Variants in CAMTA1 observed in about 807,000 individuals in gnomAD.
The protein encoded by CAMTA1 is calmodulin binding transcription activator 1.
CAMTA1 carries 27 observed loss-of-function variants against 170.9 expected under a neutral mutation model. The observed-to-expected ratio is 0.16, with a 90% confidence interval of 0.12 to 0.22. CAMTA1 has a LOEUF of 0.22. Among genes scored for constraint, CAMTA1 ranks in the 10% least tolerant of loss-of-function variants. The pLI is 1.00. For missense variants in CAMTA1, 1,619 were observed against 2,217.2 expected, an observed-to-expected ratio of 0.73 and a Z score of 5.42; for synonymous variants, 833 against 891.5, an observed-to-expected ratio of 0.93 and a Z score of 1.17.
At chr1:7,310,211 A>C (rs538465561) in intron 5 of CAMTA1, among the ~76,000 whole-genome samples, 2 of 152,334 alleles carry the variant, frequency 1.3e-5, no homozygotes, top group African/African-American at 2.4e-5. Context: ...TCCTGAGTTG[A>C]CTGACAGTTC....
At chr1:7,729,031 G>A (rs890373648) in intron 11 of CAMTA1, among the ~76,000 whole-genome samples, 3 of 152,058 alleles carry the variant, frequency 2.0e-5, no homozygotes, top group Admixed American at 6.5e-5. Flanking sequence ...GAAGGAAGAC[G>A]TTATTTTTCG....
rs1057336176 is a variant in CAMTA1, at chr1:6,887,217, A to G, written c.234+62007A>G. ...AACCCAAAACTTAAGTAGTTTGCTGAATATGCATAGTAAGTAAAAAAATTC... is the reference window on the plus strand; with the variant it reads ...AACCCAAAACTTAAGTAGTTTGCTGGATATGCATAGTAAGTAAAAAAATTC... On this transcript the variant is annotated intron_variant, in intron 3 of 22. Coordinates refer to ENST00000303635, the MANE Select transcript of CAMTA1 (RefSeq NM_015215.4). This position sits in a 1 kb window ranked among gnomAD's most constrained non-coding sequence, Gnocchi z 4.1. 3.3e-5 allele frequency among the ~76,000 whole-genome samples: 5 copies of G among 152,246 alleles called. No individual in the cohort carries two copies. Among genetic ancestry groups the G allele is most frequent in the Admixed American group, 3.3e-4 (5 of 15,292 alleles).
chr1:7,007,651 C>T lies in CAMTA1; in HGVS notation c.235-83653C>T, dbSNP rs56184602. Among the ~76,000 whole-genome samples the T allele has an allele frequency of 0.13, 20,398 of 152,144 alleles. 1,481 individuals carry two copies. The highest frequency in any genetic ancestry group is 0.17 in the Non-Finnish European group (11,872 of 67,968). ...TTGACCCAGACTGCCGAGGGGTGGC[C>T]GGGCCCTGTCAGTGCTGCGGAGGTG... On this transcript the variant is annotated intron_variant, in intron 3 of 22. Transcript: ENST00000303635. The surrounding 1 kb of genome is among the most constrained non-coding windows in gnomAD (Gnocchi z 4.5).
At chr1:6,786,106 G>A (rs1639222146) in intron 1 of CAMTA1, among the ~76,000 whole-genome samples, 2 of 151,888 alleles carry the variant, frequency 1.3e-5, no homozygotes, top group Non-Finnish European at 2.9e-5. Flanking sequence ...CCGGCGGGCA[G>A]GGCCAGATGT....
intron 3 of CAMTA1, among the ~76,000 whole-genome samples, chr1:7,043,231 C>G (rs1014183908): frequency 6.6e-6 from 1 of 152,230 alleles, no homozygotes; most frequent in Non-Finnish European, 1.5e-5. Flanking sequence ...GGGCCCTCCT[C>G]TTTCCCCCAC....
At chr1:7,313,993 G>A (rs1574617261) in intron 5 of CAMTA1, among the ~76,000 whole-genome samples, 1 of 152,210 alleles carries the variant, frequency 6.6e-6, no homozygotes, top group African/African-American at 2.4e-5. Flanking sequence ...CAGGAATCTA[G>A]ATTCCCACCC....
chr1:7,017,362 A>C (rs1348522919), intron 3 of CAMTA1, among the ~76,000 whole-genome samples: 2 of 152,248 alleles, frequency 1.3e-5, no homozygotes, highest in African/African-American at 4.8e-5. Context: ...CAAGCTCTGA[A>C]ACAATATGAT....
At chr1:7,687,627 G>A (rs578154042) in intron 11 of CAMTA1, among the ~76,000 whole-genome samples, 39 of 152,272 alleles carry the variant, frequency 2.6e-4, no homozygotes, top group Admixed American at 5.9e-4. Context: ...GCAAGGCCCC[G>A]TCCCCTGCTT....
chr1:7,277,504 ACTCATTCTCATT>A (rs555549511), intron 5 of CAMTA1, among the ~76,000 whole-genome samples: 1 of 141,638 alleles, frequency 7.1e-6, no homozygotes, highest in African/African-American at 2.8e-5. Flanking sequence ...AGAGAGAGAG[ACTCATTCTCATT>A]CTCATTCTCA....
intron 4 of CAMTA1, among the ~76,000 whole-genome samples, chr1:7,164,448 G>A (rs1007863216): frequency 3.3e-5 from 5 of 152,238 alleles, no homozygotes; most frequent in African/African-American, 1.2e-4. Context: ...GCAGGTGGCT[G>A]GATGCCAGCG....
chr1:6,799,534 A>G (rs1643405514), intron 1 of CAMTA1, among the ~76,000 whole-genome samples: 1 of 151,644 alleles, frequency 6.6e-6, no homozygotes, highest in African/African-American at 2.4e-5. Context: ...TGCATTTATC[A>G]CTCTTGATTC....
chr1:7,329,778 G>T (rs919355273), intron 5 of CAMTA1, among the ~76,000 whole-genome samples: 2 of 152,170 alleles, frequency 1.3e-5, no homozygotes, highest in African/African-American at 4.8e-5. Flanking sequence ...TAATGCTAAG[G>T]CTTGCAAAAC....
At chr1:6,873,159 T>G (rs2149002570) in intron 3 of CAMTA1, among the ~76,000 whole-genome samples, 1 of 152,200 alleles carries the variant, frequency 6.6e-6, no homozygotes, top group Non-Finnish European at 1.5e-5. Flanking sequence ...GAAATACAAA[T>G]AGGTAAACCA....
At chr1:7,163,667 T>TG (rs1647737658) in intron 4 of CAMTA1, among the ~76,000 whole-genome samples, 1 of 152,192 alleles carries the variant, frequency 6.6e-6, no homozygotes, top group African/African-American at 2.4e-5. Context: ...CCTAGAGAGA[T>TG]GGGGTCCTTG....
chr1:7,405,908 G>A (rs1318136848), intron 5 of CAMTA1, among the ~76,000 whole-genome samples: 3 of 152,308 alleles, frequency 2.0e-5, no homozygotes, highest in South Asian at 2.1e-4. Flanking sequence ...AGGGGGCACC[G>A]TTCTCGAAGC....
rs137942499 is a variant in CAMTA1, at chr1:7,726,806, G to A, written c.2915-5642G>A. ...GATAAGAACTAAAAATCTCAGAACCGCCAGGCAGGAAGTGGAGCTAGAGCA... is the reference window on the plus strand; with the variant it reads ...GATAAGAACTAAAAATCTCAGAACCACCAGGCAGGAAGTGGAGCTAGAGCA... On this transcript the variant is annotated intron_variant, in intron 11 of 22. Transcript: ENST00000303635. 5.4e-4 allele frequency among the ~76,000 whole-genome samples: 83 copies of A among 152,358 alleles called. 1 individual carries two copies. In the East Asian group the frequency reaches 9.4e-3, roughly 17 times the overall value.
rs946898673 is a variant in CAMTA1, at chr1:7,609,426, G to A, written c.511-30974G>A. 6.6e-6 allele frequency among the ~76,000 whole-genome samples: 1 copy of A among 152,122 alleles called. No homozygotes were observed. Among genetic ancestry groups the A allele is most frequent in the Non-Finnish European group, 1.5e-5 (1 of 68,020 alleles). ...TTCATGAGGCTCTGCTCAACTTTGG[G>A]TGTTAACAGCAAATCAAAGCCCCTC... On this transcript the variant is annotated intron_variant, in intron 6 of 22. Coordinates refer to ENST00000303635, the MANE Select transcript of CAMTA1 (RefSeq NM_015215.4). The surrounding 1 kb of genome is among the most constrained non-coding windows in gnomAD (Gnocchi z 4.4).
At chr1:7,556,224 A>G (rs1364065559) in intron 6 of CAMTA1, among the ~76,000 whole-genome samples, 1 of 152,092 alleles carries the variant, frequency 6.6e-6, no homozygotes, top group South Asian at 2.1e-4. Flanking sequence ...TAGGGCAGCT[A>G]GATGGTGGCC....
intron 3 of CAMTA1, among the ~76,000 whole-genome samples, chr1:7,082,581 A>G (rs948830263): frequency 5.3e-5 from 8 of 151,978 alleles, no homozygotes; most frequent in Non-Finnish European, 1.2e-4. Flanking sequence ...GAATTCCTCC[A>G]CAGTTTGGTG....
Sources: allele counts gnomAD v4.1 joint callset (sites outside exome capture counted in the v4.1 genomes callset), GRCh38; gene constraint gnomAD v4.1.1; non-coding constraint Gnocchi (gnomAD v3.1); transcripts MANE v1.5; gene names NCBI Gene and HGNC (gene_info 2026-07-23, HGNC 2026-07-21).